The following PDE10A variants were observed in gnomAD, a reference collection of about 807,000 sequenced individuals.
PDE10A encodes the protein cAMP and cAMP-inhibited cGMP 3',5'-cyclic phosphodiesterase 10A.
A neutral mutation model predicts 97.7 loss-of-function variants in PDE10A; 39 were observed. The observed-to-expected ratio is 0.40, with a 90% CI of 0.31 to 0.52. The LOEUF is 0.52. Among genes scored for constraint, PDE10A ranks in the 20% least tolerant of loss-of-function variants. PDE10A has a pLI of 0.56. For synonymous variants in PDE10A, 371 were observed against 376.8 expected (o/e 0.98, Z 0.18); for missense variants, 731 against 1,047.8 (o/e 0.70, Z 4.17).
At chr6:165,987,508 G>GT in intron 1 of PDE10A, 2 of 360,102 alleles carry the variant, frequency 5.6e-6, no homozygotes, top group Non-Finnish European at 1.1e-5. Flanking sequence ...TAAATAATAG[G>GT]TAAAAGAACT....
Position 165,418,822 on chromosome 6 carries a change from AAGAACTT to A in PDE10A, c.1654-52_1654-46del. The A allele has an allele frequency of 6.6e-7, 1 of 1,525,910 alleles. No individual in the cohort carries two copies. Among genetic ancestry groups the A allele is most frequent in the South Asian group, 1.1e-5 (1 of 87,838 alleles). The allele number at this position is 1,525,910 out of a possible 1,614,324, so 94.5% of individuals were successfully genotyped here. On this transcript the variant is annotated intron_variant, in intron 10 of 21. Coordinates refer to ENST00000539869, the MANE Select transcript of PDE10A (RefSeq NM_001385079.1). The surrounding 1 kb of genome is among the most constrained non-coding windows in gnomAD (Gnocchi z 4.8). ...TAAGAGGAAGACAATGAGACATTCA[AAGAACTT>A]GCAGGTAAACTTTATCATAAAATAA...
At chr6:165,970,496 T>C (rs1169152867) in intron 1 of PDE10A, among the ~76,000 whole-genome samples, 2 of 149,978 alleles carry the variant, frequency 1.3e-5, no homozygotes, top group African/African-American at 5.0e-5. Flanking sequence ...TTGAGATCAT[T>C]TCAAAATTTA....
chr6:165,569,628 T>C (rs558247387), intron 1 of PDE10A, among the ~76,000 whole-genome samples: 1 of 152,334 alleles, frequency 6.6e-6, no homozygotes, highest in East Asian at 1.9e-4. Flanking sequence ...TGTCTCTTTA[T>C]AGGAAATGTT....
intron 6 of PDE10A, among the ~76,000 whole-genome samples, chr6:165,433,416 A>G (rs1789745108): frequency 6.6e-6 from 1 of 152,254 alleles, no homozygotes; most frequent in Non-Finnish European, 1.5e-5. Flanking sequence ...AAAAGTAATC[A>G]TAAATGCTGG....
At chr6:165,456,059 C>T (rs927096198) in intron 3 of PDE10A, among the ~76,000 whole-genome samples, 1 of 152,184 alleles carries the variant, frequency 6.6e-6, no homozygotes, top group Non-Finnish European at 1.5e-5. Context: ...AGATCCTATT[C>T]GAGCTATTTC....
intron 1 of PDE10A, among the ~76,000 whole-genome samples, chr6:165,883,501 C>T (rs937714375): frequency 1.3e-5 from 2 of 150,596 alleles, no homozygotes; most frequent in Admixed American, 6.6e-5. Flanking sequence ...GACCACGCCA[C>T]TGCACTCCAG....
At chr6:165,725,912 T>C (rs1454523971) in intron 1 of PDE10A, among the ~76,000 whole-genome samples, 3 of 152,174 alleles carry the variant, frequency 2.0e-5, no homozygotes, top group Non-Finnish European at 2.9e-5. Flanking sequence ...AGGAGCCTGC[T>C]GTGAGCTCTG....
chr6:165,835,857 G>A (rs769909851), intron 1 of PDE10A, among the ~76,000 whole-genome samples: 68 of 152,238 alleles, frequency 4.5e-4, no homozygotes, highest in Non-Finnish European at 7.8e-4. Context: ...AGTAAGTTGA[G>A]CCACGATAAA....
intron 1 of PDE10A, among the ~76,000 whole-genome samples, chr6:165,624,401 A>T (rs1032894257): frequency 6.6e-6 from 1 of 152,260 alleles, no homozygotes. Flanking sequence ...CAATCATGCT[A>T]GCACTGTTAG....
At chr6:165,490,770 C>A (rs1780180994) in intron 2 of PDE10A, among the ~76,000 whole-genome samples, 1 of 152,150 alleles carries the variant, frequency 6.6e-6, no homozygotes, top group African/African-American at 2.4e-5. Flanking sequence ...GCCTGGCCAA[C>A]ATGGGGAAAC....
chr6:165,546,076 A>T (rs1357358104), intron 1 of PDE10A, among the ~76,000 whole-genome samples: 3 of 152,058 alleles, frequency 2.0e-5, no homozygotes, highest in African/African-American at 7.2e-5. Context: ...TAAATATTTC[A>T]CACTAAAAAG....
At chr6:165,719,457 T>G (rs1171822295) in intron 1 of PDE10A, among the ~76,000 whole-genome samples, 1 of 152,190 alleles carries the variant, frequency 6.6e-6, no homozygotes, top group African/African-American at 2.4e-5. Flanking sequence ...TGACAAGAAT[T>G]CAAATGAAAT....
intron 1 of PDE10A, among the ~76,000 whole-genome samples, chr6:165,624,107 T>C (rs1788274765): frequency 6.6e-6 from 1 of 152,246 alleles, no homozygotes; most frequent in South Asian, 2.1e-4. Flanking sequence ...CGTCCCCTTC[T>C]TCCTTGCCAC....
chr6:165,644,080 G>A (rs1789274100), intron 1 of PDE10A, among the ~76,000 whole-genome samples: 1 of 152,034 alleles, frequency 6.6e-6, no homozygotes, highest in Admixed American at 6.6e-5. Flanking sequence ...TTTTGAGACA[G>A]AGTCTCCCTC....
At chr6:165,591,882 T>C (rs1034984689) in intron 1 of PDE10A, among the ~76,000 whole-genome samples, 8 of 152,134 alleles carry the variant, frequency 5.3e-5, no homozygotes, top group Non-Finnish European at 1.0e-4. Context: ...TATATGTCCA[T>C]CCCAGAAAAC....
chr6:165,955,150 G>T (rs551151796), intron 1 of PDE10A, among the ~76,000 whole-genome samples: 2 of 152,212 alleles, frequency 1.3e-5, no homozygotes, highest in South Asian at 4.2e-4. Context: ...GCCCAAGAGG[G>T]CTCGCACTCA....
At chr6:165,957,927 A>G (rs552341458) in intron 1 of PDE10A, among the ~76,000 whole-genome samples, 1 of 152,314 alleles carries the variant, frequency 6.6e-6, no homozygotes, top group East Asian at 1.9e-4. Context: ...TCCTTCTTTC[A>G]ATTCCACACC....
chr6:165,967,011 A>G (rs1218343573), intron 1 of PDE10A, among the ~76,000 whole-genome samples: 1 of 152,236 alleles, frequency 6.6e-6, no homozygotes, highest in Non-Finnish European at 1.5e-5. Context: ...AAGAAGAGAC[A>G]GAAATTTGAC....
chr6:165,597,622 T>A lies in PDE10A; in HGVS notation c.866-54054A>T, dbSNP rs372537690. 2.4e-3 allele frequency among the ~76,000 whole-genome samples: 366 copies of A among 152,304 alleles called. 3 individuals carry two copies. The highest frequency in any genetic ancestry group is 8.6e-3 in the African/African-American group (356 of 41,558). The stretch of plus-strand genomic sequence containing the variant: ...CAAACGTAGCACATAAACAAAGACT[T>A]ACGTGCATTTTATAGGACAGAAAAA... On this transcript the variant is annotated intron_variant, in intron 1 of 21. Transcript: ENST00000539869.
Sources: gnomAD v4.1 joint callset for allele counts (sites outside exome capture counted in the v4.1 genomes callset) on GRCh38, gnomAD v4.1.1 for gene constraint, Gnocchi (gnomAD v3.1) non-coding constraint, MANE v1.5 for transcripts, NCBI Gene and HGNC (gene_info 2026-07-23, HGNC 2026-07-21) for gene names.